SPG7: variants seen among roughly 807,000 people sequenced by gnomAD.
SPG7 encodes the protein mitochondrial inner membrane m-AAA protease component paraplegin.
In SPG7, 103 loss-of-function variants were observed where a neutral mutation model predicts 81.9. That is an observed-to-expected ratio of 1.26 (90% CI 1.07 to 1.48). SPG7 has a LOEUF of 1.48. Among genes scored for constraint, SPG7 ranks in the 40% most tolerant of loss-of-function variants. SPG7 has a pLI of 0.00. For synonymous variants in SPG7, 534 were observed against 444.2 expected (o/e 1.20, Z -2.54); for missense variants, 1,241 against 1,087.3 (o/e 1.14, Z -1.99).
At chr16:89,513,471 A>G (rs1305998957) in intron 3 of SPG7, among the ~76,000 whole-genome samples, 1 of 152,084 alleles carries the variant, frequency 6.6e-6, no homozygotes, top group African/African-American at 2.4e-5. Flanking sequence ...AGTGGAGATC[A>G]TGCCATTGCA....
intron 4 of SPG7, among the ~76,000 whole-genome samples, chr16:89,525,065 T>C (rs1045924193): frequency 6.6e-6 from 1 of 150,508 alleles, no homozygotes; most frequent in African/African-American, 2.4e-5. Flanking sequence ...GCTCAGGTGA[T>C]CTACCCACCT....
chr16:89,551,280 G>A (rs563832508), intron 13 of SPG7: 35 of 169,128 alleles, frequency 2.1e-4, no homozygotes, highest in South Asian at 1.0e-3. Context: ...CTGAGAAGGC[G>A]GCAGTGCTGT....
intron 9 of SPG7, chr16:89,537,409 C>T (rs1016691207): frequency 7.6e-6 from 8 of 1,052,252 alleles, no homozygotes; most frequent in African/African-American, 1.7e-5. Context: ...GCGGGAGCTG[C>T]GGAAGCCCAG....
intron 1 of SPG7, chr16:89,508,832 G>C (rs761403410): frequency 2.9e-6 from 2 of 682,186 alleles, no homozygotes; most frequent in South Asian, 3.0e-5. Context: ...AGTCCTCGGC[G>C]TGGACTTTCC....
Position 89,508,609 on chromosome 16 carries a change from C to T in SPG7, c.183+9C>T, listed in dbSNP as rs1026099274. On this transcript the variant is annotated intron_variant, in intron 1 of 16. Transcript: ENST00000645818. The stretch of plus-strand genomic sequence containing the variant: ...GAGGCCGAGCTCTGCAGGTAAATCC[C>T]CGCGGAGTCCGGGCCCCACCTCCCG... The T allele has an allele frequency of 3.4e-6, 5 of 1,451,422 alleles. No individual in the cohort carries two copies. The highest frequency in any genetic ancestry group is 4.5e-6 in the Non-Finnish European group (5 of 1,107,092). 89.9% of individuals were successfully genotyped at this position (1,451,422 alleles called of 1,614,324 possible). A position where few individuals can be genotyped will look rare whatever the true frequency, so the allele number is the denominator to read the frequency against.
rs17783943 is a variant in SPG7 at position 89,553,067 on chromosome 16, T to C, written c.1868T>C (p.Phe623Ser). Residue 623 changes from phenylalanine to serine, a missense_variant, in exon 14 of 17, where the codon TTT becomes TCT. Phe to Ser is a radical substitution (Grantham distance 155). Transcript: ENST00000645818. ...CACCTCTTCACCAAGGAGCAGCTGTTTGAGCGGATGTGCATGGCCCTGGGA... is the reference window on the plus strand; with the variant it reads ...CACCTCTTCACCAAGGAGCAGCTGTCTGAGCGGATGTGCATGGCCCTGGGA... ...DQHLFTKEQLFERMCMALGGR... is the reference protein window; with the variant it reads ...DQHLFTKEQLSERMCMALGGR... The C allele has an allele frequency of 1.5e-5, 24 of 1,613,884 alleles. No individual in the cohort carries two copies. The highest frequency in any genetic ancestry group is 1.9e-5 in the Non-Finnish European group (22 of 1,179,912).
chr16:89,516,903 C>A (rs1231964503), intron 3 of SPG7: 1 of 151,694 alleles, frequency 6.6e-6, no homozygotes, highest in Non-Finnish European at 1.5e-5. Context: ...GACGGCGAGA[C>A]TCTTGTCTCA....
At chr16:89,523,786 C>G in intron 3 of SPG7, 1 of 699,754 alleles carries the variant, frequency 1.4e-6, no homozygotes, top group Non-Finnish European at 2.6e-6. Flanking sequence ...CTGCTCCTCA[C>G]TGAAGTGACC....
At chr16:89,554,097 C>A in intron 15 of SPG7, 137 bp downstream of exon 15, 2 of 827,778 alleles carry the variant, frequency 2.4e-6, no homozygotes, top group Non-Finnish European at 3.8e-6. Context: ...TCCTTCTGGG[C>A]TCTGCTGTAG....
chr16:89,533,641 G>A (rs2058375370), intron 9 of SPG7: 1 of 152,138 alleles, frequency 6.6e-6, no homozygotes, highest in African/African-American at 2.4e-5. Flanking sequence ...TGGTTAGAGG[G>A]CGGAGCAGAG....
intron 11 of SPG7, chr16:89,547,252 G>A (rs749185400): frequency 2.3e-4 from 46 of 198,408 alleles, no homozygotes; most frequent in Admixed American, 1.6e-3. Flanking sequence ...TTGATTATTC[G>A]TTAGGGTCTT....
chr16:89,513,155 G>C (rs571868179), intron 3 of SPG7, 118 bp downstream of exon 3: 1 of 1,435,338 alleles, frequency 7.0e-7, no homozygotes, highest in African/African-American at 1.4e-5. Flanking sequence ...GGGTGCAGTG[G>C]CTCACACTTG....
At chr16:89,544,543 T>G in intron 9 of SPG7, 105 bp from the exon 10 acceptor site, 1 of 1,350,960 alleles carries the variant, frequency 7.4e-7, no homozygotes, top group Non-Finnish European at 1.1e-6. Context: ...CTCTGGGCCT[T>G]AGGGGGGTCT....
At chr16:89,520,425 C>A (rs900880913) in intron 3 of SPG7, 10 of 183,992 alleles carry the variant, frequency 5.4e-5, no homozygotes, top group Non-Finnish European at 9.0e-5. Flanking sequence ...GATGGAGTTT[C>A]ACTCTTCGTT....
intron 9 of SPG7, among the ~76,000 whole-genome samples, chr16:89,535,574 T>C (rs1355886545): frequency 6.6e-6 from 1 of 152,062 alleles, no homozygotes; most frequent in Non-Finnish European, 1.5e-5. Flanking sequence ...CAAGTGGTCA[T>C]GGGAGTCGAG....
chr16:89,548,751 G>A (rs1000452171), intron 12 of SPG7: 2 of 357,566 alleles, frequency 5.6e-6, no homozygotes, highest in African/African-American at 4.3e-5. Flanking sequence ...CGGAGCTGCT[G>A]GAGGTTTCCA....
In SPG7 at chr16:89,557,004, C is replaced by G. The variant is rs199519341; in HGVS notation, c.2299C>G (p.Gln767Glu). 2 of 1,613,862 alleles carry G rather than the reference C, an allele frequency of 1.2e-6. No homozygotes were observed. The highest frequency in any genetic ancestry group is 3.3e-5 in the Admixed American group (2 of 60,024). ...CGCACCGCAGAGGTGGATCGACGCC[C>G]AGAGGGAGAAACAGGACTTGGGCGA... The part of the protein sequence containing the change: ...MIAPQRWIDA[Q>E]REKQDLGEEE... Residue 767 changes from glutamine (Q) to glutamate (E), a missense_variant, in exon 17 of 17, where the codon CAG (glutamine) becomes GAG (glutamate). By Grantham distance (29) the Gln-to-Glu change is conservative. Transcript: ENST00000645818.
chr16:89,546,459 C>A (rs2058564465), intron 10 of SPG7, 199 bp from the exon 11 acceptor site: 2 of 575,682 alleles, frequency 3.5e-6, no homozygotes, highest in African/African-American at 3.7e-5. Flanking sequence ...AGGTGGATCA[C>A]TTGAAGCCAG....
At chr16:89,549,716 G>A (rs1342942588) in intron 12 of SPG7, 1 of 170,480 alleles carries the variant, frequency 5.9e-6, no homozygotes, top group Admixed American at 5.5e-5. Flanking sequence ...CTGAAGGGGT[G>A]AGTAGAAGCC....
Sources: allele counts gnomAD v4.1 joint callset (sites outside exome capture counted in the v4.1 genomes callset), GRCh38; gene constraint gnomAD v4.1.1; transcripts MANE v1.5; gene names NCBI Gene and HGNC (gene_info 2026-07-23, HGNC 2026-07-21).